PRKG1: variants seen among roughly 807,000 people sequenced by gnomAD.
PRKG1 encodes cGMP-dependent protein kinase 1.
PRKG1 carries 35 observed loss-of-function variants against 88.1 expected under a neutral mutation model. The observed-to-expected ratio is 0.40, with a 90% CI of 0.30 to 0.53. PRKG1 has a LOEUF of 0.53. Among genes scored for constraint, PRKG1 ranks in the 20% least tolerant of loss-of-function variants. The pLI is 0.59. For synonymous variants in PRKG1, 303 were observed against 292.5 expected (o/e 1.04, Z -0.37); for missense variants, 540 against 839.8 (o/e 0.64, Z 4.41).
intron 2 of PRKG1, among the ~76,000 whole-genome samples, chr10:51,439,015 A>C (rs888738664): frequency 8.6e-5 from 13 of 151,488 alleles, no homozygotes; most frequent in African/African-American, 3.1e-4. Flanking sequence ...TTTTTTTTAA[A>C]AAAAAAGAGA....
Position 51,205,122 on chromosome 10 carries a change from C to CTTTTCTTTCTTTTTTTTTTTTTTTTTTT in PRKG1, c.478+51800_478+51801insCTTTTTTTTTTTTTTTTTTTTTTTCTTT, listed in dbSNP as rs1838013921. ...TTTCATAAGGAAGAATTTTCATTTT[C>CTTTTCTTTCTTTTTTTTTTTTTTTTTTT]TTTTCTTTTTTTTTTTTTTTTTTTT... On this transcript the variant is annotated intron_variant, in intron 2 of 17. Transcript: ENST00000373980. Among the ~76,000 whole-genome samples the CTTTTCTTTCTTTTTTTTTTTTTTTTTTT allele has an allele frequency of 1.1e-4, 4 of 34,934 alleles. 1 individual carries two copies. Among genetic ancestry groups the CTTTTCTTTCTTTTTTTTTTTTTTTTTTT allele is most frequent in the African/African-American group, 2.2e-4 (2 of 9,170 alleles). 22.9% of individuals were successfully genotyped at this position (34,934 alleles called of 152,430 possible).
chr10:51,816,038 A>G (rs1417046861), intron 4 of PRKG1, among the ~76,000 whole-genome samples: 4 of 152,224 alleles, frequency 2.6e-5, no homozygotes, highest in Non-Finnish European at 4.4e-5. Flanking sequence ...CCTTACACAC[A>G]TTATTATCTC....
At chr10:51,624,943 C>A (rs1423057256) in intron 3 of PRKG1, among the ~76,000 whole-genome samples, 1 of 152,048 alleles carries the variant, frequency 6.6e-6, no homozygotes, top group East Asian at 1.9e-4. Flanking sequence ...TTAATGCATA[C>A]AAAGTTACAG....
intron 4 of PRKG1, among the ~76,000 whole-genome samples, chr10:51,839,731 T>A (rs1840222157): frequency 6.6e-6 from 1 of 152,190 alleles, no homozygotes; most frequent in African/African-American, 2.4e-5. Flanking sequence ...AAGCATGCCT[T>A]CCTATGGAGG....
chr10:52,164,879 C>CA (rs1838388320), intron 9 of PRKG1, among the ~76,000 whole-genome samples: 1 of 152,146 alleles, frequency 6.6e-6, no homozygotes, highest in Non-Finnish European at 1.5e-5. Context: ...TCTACCACCT[C>CA]ACATAGTTAC....
intron 1 of PRKG1, among the ~76,000 whole-genome samples, chr10:51,093,718 ATGTG>A (rs891570006): frequency 4.4e-5 from 6 of 134,910 alleles, no homozygotes; most frequent in Admixed American, 1.5e-4. Context: ...ATATAAATAC[ATGTG>A]TGTGTGTATT....
chr10:51,543,780 G>A (rs888542349), intron 3 of PRKG1, among the ~76,000 whole-genome samples: 3 of 152,124 alleles, frequency 2.0e-5, no homozygotes, highest in Non-Finnish European at 4.4e-5. Flanking sequence ...GCAAAAATGT[G>A]AACAAAGCCC....
chr10:51,903,369 T>C lies in PRKG1; in HGVS notation c.699-4138T>C, dbSNP rs956314683. Among the ~76,000 whole-genome samples, 42 of 152,192 alleles carry C rather than the reference T, an allele frequency of 2.8e-4. 1 individual carries two copies. Among genetic ancestry groups the C allele is most frequent in the Admixed American group, 2.5e-3 (38 of 15,264 alleles). On this transcript the variant is annotated intron_variant, in intron 4 of 17. Transcript: ENST00000373980. Reference sequence around the variant, plus strand: ...AGTGTAGATTTATAGTTAATTTTGTTAGGTATGATCATGGTATTAAGGCTA... The same window carrying C: ...AGTGTAGATTTATAGTTAATTTTGTCAGGTATGATCATGGTATTAAGGCTA...
intron 1 of PRKG1, among the ~76,000 whole-genome samples, chr10:51,118,923 C>G (rs1262256975): frequency 6.6e-6 from 1 of 152,080 alleles, no homozygotes; most frequent in Non-Finnish European, 1.5e-5. Context: ...ATTTTGGAAC[C>G]TGGTCTCTTA....
At chr10:51,668,304 A>C (rs1840472733) in intron 3 of PRKG1, among the ~76,000 whole-genome samples, 2 of 152,158 alleles carry the variant, frequency 1.3e-5, no homozygotes, top group African/African-American at 4.8e-5. Flanking sequence ...ATTTTGTACC[A>C]CTTGTTGGAG....
intron 2 of PRKG1, among the ~76,000 whole-genome samples, chr10:51,454,953 T>C (rs774280252): frequency 1.3e-5 from 2 of 152,226 alleles, no homozygotes; most frequent in Non-Finnish European, 2.9e-5. Flanking sequence ...CCCCAACATC[T>C]TATCTCATTT....
At chr10:51,254,063 G>A (rs1021892400) in intron 2 of PRKG1, among the ~76,000 whole-genome samples, 2 of 151,828 alleles carry the variant, frequency 1.3e-5, no homozygotes, top group Admixed American at 6.6e-5. Context: ...AAATAAAAGC[G>A]ATGTAAGATC....
intron 3 of PRKG1, among the ~76,000 whole-genome samples, chr10:51,672,244 T>C (rs1840601968): frequency 6.6e-6 from 1 of 152,144 alleles, no homozygotes; most frequent in Non-Finnish European, 1.5e-5. Flanking sequence ...ATTTTAGACC[T>C]TCTTACCCTT....
intron 4 of PRKG1, among the ~76,000 whole-genome samples, chr10:51,882,009 A>G (rs917285346): frequency 1.1e-4 from 16 of 152,198 alleles, no homozygotes; most frequent in Non-Finnish European, 2.1e-4. Flanking sequence ...CTTTTCAATG[A>G]TGAAATCCAT....
chr10:52,004,443 T>A (rs1259409824), intron 5 of PRKG1, among the ~76,000 whole-genome samples: 1 of 152,148 alleles, frequency 6.6e-6, no homozygotes, highest in African/African-American at 2.4e-5. Context: ...AAAACTGAAG[T>A]ATCATTACTT....
intron 4 of PRKG1, among the ~76,000 whole-genome samples, chr10:51,890,096 T>C (rs7080923): frequency 0.49 from 74,868 of 151,796 alleles, 18,738 homozygotes; most frequent in Middle Eastern, 0.53. Flanking sequence ...GCTTTTGTTG[T>C]CATTGCTTTT....
chr10:51,136,128 T>TA (rs910878410), intron 1 of PRKG1, among the ~76,000 whole-genome samples: 12 of 151,624 alleles, frequency 7.9e-5, no homozygotes, highest in South Asian at 2.1e-4. Context: ...AATAATAAAA[T>TA]AAAAAAAATG....
intron 3 of PRKG1, chr10:51,696,884 G>C (rs1481673689): frequency 2.0e-5 from 3 of 151,998 alleles, no homozygotes; most frequent in Non-Finnish European, 4.4e-5. Context: ...GAGAATTACT[G>C]ACTCAGATTT....
chr10:51,780,718 T>C (rs952201671), intron 3 of PRKG1, among the ~76,000 whole-genome samples: 6 of 152,198 alleles, frequency 3.9e-5, no homozygotes, highest in African/African-American at 1.4e-4. Flanking sequence ...ATGCTGGATA[T>C]TGTACTTGAC....
Sources: gnomAD v4.1 joint callset for allele counts (sites outside exome capture counted in the v4.1 genomes callset) on GRCh38, gnomAD v4.1.1 for gene constraint, MANE v1.5 for transcripts, NCBI Gene and HGNC (gene_info 2026-07-23, HGNC 2026-07-21) for gene names.